TRIO: variants seen among roughly 807,000 people sequenced by gnomAD.
TRIO encodes the protein trio Rho guanine nucleotide exchange factor.
In TRIO, 58 loss-of-function variants were observed where a neutral mutation model predicts 351.9. The observed-to-expected ratio is 0.16, with a 90% CI of 0.13 to 0.21. The LOEUF (loss-of-function observed/expected upper bound fraction) is 0.21. Ranked by LOEUF, TRIO falls within the 10% of genes least tolerant of loss-of-function variation. TRIO has a pLI of 1.00. For missense variants in TRIO, 3,201 were observed against 4,027.8 expected (o/e 0.79, Z 5.56); for synonymous variants, 1,758 against 1,595.7 (o/e 1.10, Z -2.42).
chr5:14,452,877 C>A lies in TRIO; in HGVS notation c.5204-8142C>A, dbSNP rs990730582. On this transcript the variant is annotated intron_variant, in intron 34 of 56. Coordinates refer to ENST00000344204, the MANE Select transcript of TRIO (RefSeq NM_007118.4). ...TGCGACCAGCAGGATATGGTCCTTT[C>A]CCTCCTTTTTTTAAAAAAAACTTTT... 2.0e-5 allele frequency among the ~76,000 whole-genome samples: 3 copies of A among 151,020 alleles called. 1 individual carries two copies. The highest frequency in any genetic ancestry group is 6.6e-5 in the Admixed American group (1 of 15,250).
chr5:14,161,775 A>G (rs577347414), intron 1 of TRIO, among the ~76,000 whole-genome samples: 14 of 152,182 alleles, frequency 9.2e-5, no homozygotes, highest in African/African-American at 1.9e-4. Flanking sequence ...CACCCAGGCT[A>G]GAGTTCAGTG....
At chr5:14,205,103 G>A (rs1791375410) in intron 1 of TRIO, among the ~76,000 whole-genome samples, 1 of 152,176 alleles carries the variant, frequency 6.6e-6, no homozygotes, top group South Asian at 2.1e-4. Context: ...GGATTCAGGA[G>A]GGCACAGGAT....
At chr5:14,344,241 TC>T (rs61068129) in intron 11 of TRIO, among the ~76,000 whole-genome samples, 7,185 of 152,274 alleles carry the variant, frequency 0.047, 620 homozygotes, top group African/African-American at 0.17. Flanking sequence ...GACCTTGGCA[TC>T]ACTTGGCACC....
intron 1 of TRIO, among the ~76,000 whole-genome samples, chr5:14,207,506 T>G: frequency 1.7e-5 from 1 of 57,224 alleles, no homozygotes; most frequent in Non-Finnish European, 3.5e-5. Flanking sequence ...CCAGGTAGCA[T>G]AGCAAGACTG....
At chr5:14,460,459 C>G (rs1465368879) in intron 34 of TRIO, among the ~76,000 whole-genome samples, 2 of 152,068 alleles carry the variant, frequency 1.3e-5, no homozygotes, top group African/African-American at 2.4e-5. Context: ...CAGAGTCTCA[C>G]CAGGACAAAT....
intron 29 of TRIO, 162 bp downstream of exon 29, chr5:14,397,316 A>C: frequency 1.6e-6 from 1 of 621,990 alleles, no homozygotes; most frequent in Non-Finnish European, 2.7e-6. Context: ...TGAGGACCAC[A>C]TAAAATGTTT....
intron 33 of TRIO, among the ~76,000 whole-genome samples, chr5:14,411,397 C>G (rs758323535): frequency 2.6e-5 from 4 of 152,044 alleles, no homozygotes; most frequent in Non-Finnish European, 5.9e-5. Context: ...GAAAAATGGC[C>G]GAGGCGAGAT....
intron 1 of TRIO, among the ~76,000 whole-genome samples, chr5:14,237,166 TAGATTTTCTTTC>T (rs1207947460): frequency 1.3e-5 from 2 of 152,224 alleles, no homozygotes; most frequent in African/African-American, 4.8e-5. Context: ...GTTTTTCTTT[TAGATTTTCTTTC>T]AGATTTTGAA....
chr5:14,481,321 ACCAG>A (rs770375319), intron 44 of TRIO, 37 bp downstream of exon 44: 1 of 1,608,062 alleles, frequency 6.2e-7, no homozygotes, highest in South Asian at 1.1e-5. Flanking sequence ...CCAAATCCCC[ACCAG>A]CCTCTTTTCC....
intron 28 of TRIO, 109 bp from the exon 29 acceptor site, chr5:14,396,934 T>C: frequency 1.2e-6 from 1 of 851,556 alleles, no homozygotes; most frequent in South Asian, 1.8e-5. Context: ...GTTGACCACA[T>C]TCTGTTTTTA....
chr5:14,194,582 G>A (rs1790652203), intron 1 of TRIO, among the ~76,000 whole-genome samples: 1 of 152,194 alleles, frequency 6.6e-6, no homozygotes, highest in African/African-American at 2.4e-5. Flanking sequence ...AGGGTGGGAT[G>A]TTATTCCAGG....
At chr5:14,146,722 G>A (rs1350660268) in intron 1 of TRIO, among the ~76,000 whole-genome samples, 1 of 152,150 alleles carries the variant, frequency 6.6e-6, no homozygotes, top group Non-Finnish European at 1.5e-5. Flanking sequence ...GATGACCTTG[G>A]GGCTGTTCCC....
At chr5:14,259,808 A>G (rs552895318) in intron 1 of TRIO, among the ~76,000 whole-genome samples, 2 of 150,812 alleles carry the variant, frequency 1.3e-5, no homozygotes, top group Admixed American at 6.6e-5. Context: ...TTGAGTTGTC[A>G]TAATAGTAAC....
rs1747865447 is a variant in TRIO at position 14,399,244 on chromosome 5, G to C, written c.4614+174G>C. On this transcript the variant is annotated intron_variant, in intron 30 of 56. Coordinates refer to ENST00000344204, the MANE Select transcript of TRIO (RefSeq NM_007118.4). ...CAGTGAAATTATTTCCCACCCTCAAGTCCACTAGAGGGTGCTCTGGAGTTT... is the reference window on the plus strand; with the variant it reads ...CAGTGAAATTATTTCCCACCCTCAACTCCACTAGAGGGTGCTCTGGAGTTT... 9.2e-6 allele frequency: 6 copies of C among 650,590 alleles called. No individual in the cohort carries two copies. The South Asian group carries it at 1.2e-4, about 13-fold the overall frequency. The allele number at this position is 650,590 out of a possible 1,614,324, so 40.3% of individuals were successfully genotyped here.
At chr5:14,271,666 A>T (rs925818549) in intron 2 of TRIO, among the ~76,000 whole-genome samples, 1 of 152,248 alleles carries the variant, frequency 6.6e-6, no homozygotes, top group Non-Finnish European at 1.5e-5. Context: ...TTTCTGCTCT[A>T]TCAGGAAGTA....
intron 21 of TRIO, among the ~76,000 whole-genome samples, chr5:14,384,582 T>C (rs1746380797): frequency 6.6e-6 from 1 of 152,030 alleles, no homozygotes; most frequent in Admixed American, 6.6e-5. Context: ...GTAAATGGCT[T>C]TGGAAAAAAA....
chr5:14,233,712 TA>T (rs1486001981), intron 1 of TRIO, among the ~76,000 whole-genome samples: 7 of 152,262 alleles, frequency 4.6e-5, no homozygotes, highest in South Asian at 2.1e-4. Flanking sequence ...TAATTAAAAA[TA>T]TTTTTTTGTA....
In TRIO at chr5:14,476,902, T is replaced by C; in HGVS notation, c.6092T>C (p.Leu2031Ser). The change falls in exon 41 of 57, where the codon TTA (leucine) becomes TCA (serine). Residue 2031 changes from leucine to serine, a missense_variant. By Grantham distance (145) the Leu-to-Ser change is moderately radical. This residue lies in a region of TRIO where 307 missense variants were observed against 396.5 expected (regional missense o/e 0.77). Coordinates refer to ENST00000344204, the MANE Select transcript of TRIO (RefSeq NM_007118.4). ...QIYDWHRDFFLGELEKCLEDP... is the reference protein window; with the variant it reads ...QIYDWHRDFFSGELEKCLEDP... The stretch of plus-strand genomic sequence containing the variant: ...TTCTCCTTTCTTTCCAGCTTTTTTT[T>C]AGGAGAGTTAGAGAAGTGCCTTGAA... 6.2e-7 allele frequency: 1 copy of C among 1,613,660 alleles called. No homozygotes were observed. Among genetic ancestry groups the C allele is most frequent in the Non-Finnish European group, 8.5e-7 (1 of 1,179,820 alleles).
intron 1 of TRIO, 50 bp downstream of exon 1, chr5:14,143,932 G>C: frequency 9.6e-7 from 1 of 1,039,046 alleles, no homozygotes; most frequent in Non-Finnish European, 1.2e-6. Flanking sequence ...CCAAGCGCTC[G>C]GCCGACCCGC....
Sources: gnomAD v4.1 joint callset for allele counts (sites outside exome capture counted in the v4.1 genomes callset) on GRCh38, gnomAD v4.1.1 for gene constraint, gnomAD v4.1.1 regional missense constraint, MANE v1.5 for transcripts, NCBI Gene and HGNC (gene_info 2026-07-23, HGNC 2026-07-21) for gene names.